Variants in RABGAP1L observed in about 807,000 individuals in gnomAD.
RABGAP1L encodes RAB GTPase activating protein 1 like.
In RABGAP1L, 63 loss-of-function variants were observed where a neutral mutation model predicts 137.7. The observed-to-expected ratio is 0.46, with a 90% CI of 0.37 to 0.56. RABGAP1L has a LOEUF of 0.56. Ranked by LOEUF, RABGAP1L falls within the 20% of genes least tolerant of loss-of-function variation. RABGAP1L has a pLI of 0.00. For synonymous variants in RABGAP1L, 431 were observed against 433.7 expected, an observed-to-expected ratio of 0.99 and a Z score of 0.08; for missense variants, 1,095 against 1,244.0, an observed-to-expected ratio of 0.88 and a Z score of 1.80.
intron 13 of RABGAP1L, among the ~76,000 whole-genome samples, chr1:174,602,497 C>T (rs771416441): frequency 3.9e-5 from 6 of 152,114 alleles, no homozygotes; most frequent in South Asian, 4.1e-4. Context: ...TCCCACAACA[C>T]GTGGAAATTC....
At chr1:174,200,555 G>A (rs1288490862) in intron 1 of RABGAP1L, among the ~76,000 whole-genome samples, 1 of 152,180 alleles carries the variant, frequency 6.6e-6, no homozygotes, top group Non-Finnish European at 1.5e-5. Flanking sequence ...TGGGGAGATT[G>A]TTGAAACTGC....
intron 4 of RABGAP1L, among the ~76,000 whole-genome samples, chr1:174,234,011 G>A (rs1222660990): frequency 1.5e-5 from 2 of 137,656 alleles, no homozygotes; most frequent in African/African-American, 6.6e-5. Context: ...TTTCTCTGAT[G>A]GCCAGTGATG....
At chr1:174,251,720 A>G (rs564578027) in intron 6 of RABGAP1L, among the ~76,000 whole-genome samples, 1 of 152,288 alleles carries the variant, frequency 6.6e-6, no homozygotes, top group African/African-American at 2.4e-5. Context: ...CATCACAGTC[A>G]TCTCAAATTC....
At chr1:174,419,307 G>T (rs369007297) in intron 13 of RABGAP1L, among the ~76,000 whole-genome samples, 11 of 152,210 alleles carry the variant, frequency 7.2e-5, no homozygotes, top group South Asian at 6.2e-4. Context: ...TTCTCATTTC[G>T]AACAAGCTAT....
At chr1:174,748,010 A>C (rs1242501212) in intron 17 of RABGAP1L, among the ~76,000 whole-genome samples, 1 of 152,266 alleles carries the variant, frequency 6.6e-6, no homozygotes, top group East Asian at 1.9e-4. Flanking sequence ...AATATCTATA[A>C]GCTTCAAAAT....
intron 10 of RABGAP1L, 23 bp downstream of exon 10, chr1:174,278,802 A>G: frequency 1.1e-5 from 16 of 1,417,642 alleles, no homozygotes; most frequent in Non-Finnish European, 1.5e-5. Context: ...TGTTCTCTTC[A>G]TATATAGTAA....
At chr1:174,548,100 A>T (rs764001370) in intron 13 of RABGAP1L, 20 of 1,540,804 alleles carry the variant, frequency 1.3e-5, no homozygotes, top group South Asian at 1.2e-4. Flanking sequence ...CTTTCTTTGC[A>T]TGGGAGGTTG....
chr1:174,384,985 G>T (rs1480613814), intron 12 of RABGAP1L, among the ~76,000 whole-genome samples: 1 of 152,074 alleles, frequency 6.6e-6, no homozygotes, highest in Non-Finnish European at 1.5e-5. Context: ...GCTTCATCTT[G>T]AACCCTGGGA....
At chr1:174,266,650 G>A (rs1014788427) in intron 7 of RABGAP1L, among the ~76,000 whole-genome samples, 2 of 152,066 alleles carry the variant, frequency 1.3e-5, no homozygotes, top group Non-Finnish European at 2.9e-5. Flanking sequence ...CAATCATGTC[G>A]CTTCTTCCAA....
At chr1:174,900,335 G>T (rs1427704257) in intron 19 of RABGAP1L, among the ~76,000 whole-genome samples, 2 of 152,168 alleles carry the variant, frequency 1.3e-5, no homozygotes, top group Non-Finnish European at 1.5e-5. Context: ...ATACTGTAGA[G>T]GTTTCCCATT....
At chr1:174,786,893 T>C (rs1343710767) in intron 18 of RABGAP1L, among the ~76,000 whole-genome samples, 1 of 152,242 alleles carries the variant, frequency 6.6e-6, no homozygotes, top group Admixed American at 6.5e-5. Context: ...TTACTCAATA[T>C]GTATTTAAAT....
intron 13 of RABGAP1L, chr1:174,545,504 T>G (rs1665930036): frequency 6.6e-6 from 1 of 151,646 alleles, no homozygotes. Context: ...CTATCTGTCA[T>G]GGCTTCCCTT....
chr1:174,498,101 T>TA lies in RABGAP1L; in HGVS notation c.1710+103957dup, dbSNP rs766189428. 3.8e-4 allele frequency among the ~76,000 whole-genome samples: 58 copies of TA among 152,122 alleles called. 1 individual carries two copies. Among genetic ancestry groups the TA allele is most frequent in the Admixed American group, 2.6e-4 (4 of 15,268 alleles). ...TCCAAATTATGCTTGGAAAAGATAA[T>TA]ATCATTTAGGCCTTTAAGTTTTTTT... On this transcript the variant is annotated intron_variant, in intron 13 of 25. Transcript: ENST00000681986.
At chr1:174,947,447 C>T (rs577595084) in intron 19 of RABGAP1L, among the ~76,000 whole-genome samples, 2 of 151,666 alleles carry the variant, frequency 1.3e-5, no homozygotes, top group Non-Finnish European at 2.9e-5. Context: ...GATGGAGTTT[C>T]GCTCCTGTCA....
At chr1:174,403,042 T>C (rs1648798713) in intron 13 of RABGAP1L, among the ~76,000 whole-genome samples, 1 of 152,158 alleles carries the variant, frequency 6.6e-6, no homozygotes, top group Non-Finnish European at 1.5e-5. Flanking sequence ...AAAATGATCT[T>C]GTATGTAACG....
rs114888303 is a variant in RABGAP1L, at chr1:174,302,421, G to C, written c.1324-2565G>C. On this transcript the variant is annotated intron_variant, in intron 10 of 25. Coordinates refer to ENST00000681986, the MANE Select transcript of RABGAP1L (RefSeq NM_001366446.1). ...GATTCAGAAAAGAGAGAGGTCTCAA[G>C]AAACAAGAGAGGAAGGAAAGTTAGA... is the stretch of plus-strand genomic sequence containing the variant. Among the ~76,000 whole-genome samples, 740 of 152,278 alleles carry C rather than the reference G, an allele frequency of 4.9e-3. 4 individuals are homozygous for C. The highest frequency in any genetic ancestry group is 8.4e-3 in the Non-Finnish European group (571 of 68,010).
intron 13 of RABGAP1L, among the ~76,000 whole-genome samples, chr1:174,601,874 G>A (rs1670440319): frequency 6.6e-6 from 1 of 152,072 alleles, no homozygotes; most frequent in Non-Finnish European, 1.5e-5. Context: ...GGGACGAAAT[G>A]CCACCAGTTT....
chr1:174,356,757 T>G (rs1195063707), intron 11 of RABGAP1L, among the ~76,000 whole-genome samples: 3 of 152,134 alleles, frequency 2.0e-5, no homozygotes, highest in Admixed American at 6.6e-5. Context: ...TAATAAGAGA[T>G]AAAACAAACT....
intron 14 of RABGAP1L, among the ~76,000 whole-genome samples, chr1:174,671,357 C>T (rs985732062): frequency 3.9e-5 from 6 of 152,100 alleles, no homozygotes; most frequent in African/African-American, 1.4e-4. Flanking sequence ...CTAAGACTTC[C>T]AGTACTGTGT....
Sources: gnomAD v4.1 joint callset for allele counts (sites outside exome capture counted in the v4.1 genomes callset) on GRCh38, gnomAD v4.1.1 for gene constraint, MANE v1.5 for transcripts, NCBI Gene and HGNC (gene_info 2026-07-23, HGNC 2026-07-21) for gene names.